Variants in RAPGEF2 observed in about 807,000 individuals in gnomAD.
RAPGEF2 encodes PDZ domain containing guanine nucleotide exchange factor (GEF) 1.
In RAPGEF2, 54 loss-of-function variants were observed where a neutral mutation model predicts 186.7. That is an observed-to-expected ratio of 0.29 (90% CI 0.23 to 0.36). The LOEUF is 0.36. Among genes scored for constraint, RAPGEF2 ranks in the 10% least tolerant of loss-of-function variants. RAPGEF2 has a pLI of 1.00. For missense variants in RAPGEF2, 1,532 were observed against 2,045.0 expected, an observed-to-expected ratio of 0.75 and a Z score of 4.84; for synonymous variants, 712 against 705.9, an observed-to-expected ratio of 1.01 and a Z score of -0.14.
chr4:159,287,122 T>G (rs912195170), intron 7 of RAPGEF2, among the ~76,000 whole-genome samples: 1 of 152,160 alleles, frequency 6.6e-6, no homozygotes, highest in African/African-American at 2.4e-5. Context: ...GAGAGGATTT[T>G]TTTTTTCTCT....
intron 1 of RAPGEF2, among the ~76,000 whole-genome samples, chr4:159,149,200 T>G (rs1024684209): frequency 5.3e-5 from 8 of 152,316 alleles, no homozygotes; most frequent in East Asian, 3.9e-4. Flanking sequence ...ACAATAAAAC[T>G]GGCACTTAAA....
At position 159,254,835 on chromosome 4, in the gene RAPGEF2, A is replaced by G. The variant is rs191286593; in HGVS notation, c.543+11044A>G. Among the ~76,000 whole-genome samples the G allele has an allele frequency of 4.2e-3, 642 of 152,232 alleles. 10 individuals carry two copies. Among genetic ancestry groups the G allele is most frequent in the African/African-American group, 0.015 (611 of 41,550 alleles). ...AGGCTGGTCTCGAACTCTTAACCTC[A>G]GGTGATCCGCCTGCCTCGGCCTCCC... is the stretch of plus-strand genomic sequence containing the variant. On this transcript the variant is annotated intron_variant, in intron 7 of 29. Transcript: ENST00000691494.
intron 1 of RAPGEF2, among the ~76,000 whole-genome samples, chr4:159,150,258 G>T (rs1203655597): frequency 6.6e-6 from 1 of 152,096 alleles, no homozygotes; most frequent in East Asian, 1.9e-4. Context: ...GAAATACGGG[G>T]TTAAGTTCCT....
intron 7 of RAPGEF2, among the ~76,000 whole-genome samples, chr4:159,300,141 A>G (rs1201961987): frequency 1.3e-5 from 2 of 151,280 alleles, no homozygotes; most frequent in Non-Finnish European, 1.5e-5. Flanking sequence ...TACTTTATAT[A>G]CTTTAATACT....
chr4:159,289,971 G>A (rs761829018), intron 7 of RAPGEF2, among the ~76,000 whole-genome samples: 5 of 152,164 alleles, frequency 3.3e-5, no homozygotes, highest in Non-Finnish European at 1.5e-5. Context: ...AGACAGTGGG[G>A]TGCAGTGGTT....
chr4:159,121,289 G>A (rs1168730989), intron 1 of RAPGEF2, among the ~76,000 whole-genome samples: 1 of 152,094 alleles, frequency 6.6e-6, no homozygotes, highest in Non-Finnish European at 1.5e-5. Flanking sequence ...GGAACAACAT[G>A]GTTTTGAACT....
At chr4:159,243,154 G>A (rs902179660) in intron 6 of RAPGEF2, among the ~76,000 whole-genome samples, 1 of 150,790 alleles carries the variant, frequency 6.6e-6, no homozygotes, top group Non-Finnish European at 1.5e-5. Flanking sequence ...GTCTTACCTA[G>A]CCAGCAGATA....
rs1742021892 is a variant in RAPGEF2, at chr4:159,138,912, A to C, written c.69+34681A>C. Among the ~76,000 whole-genome samples the C allele has an allele frequency of 4.6e-5, 7 of 152,320 alleles. No homozygotes were observed. The South Asian group carries it at 1.5e-3, about 32-fold the overall frequency. ...CCCAACTTAACTACCACGTGAAGGA[A>C]ATTTCTGGGGACAGTAACGAATTGA... On this transcript the variant is annotated intron_variant, in intron 1 of 29. Transcript: ENST00000691494.
At chr4:159,337,920 A>G (rs1485864617) in intron 17 of RAPGEF2, among the ~76,000 whole-genome samples, 1 of 149,960 alleles carries the variant, frequency 6.7e-6, no homozygotes, top group Admixed American at 6.6e-5. Flanking sequence ...AAAAGAAAGA[A>G]AAACCATAGG....
chr4:159,162,280 G>A (rs1320073529), intron 1 of RAPGEF2, among the ~76,000 whole-genome samples: 1 of 149,140 alleles, frequency 6.7e-6, no homozygotes, highest in African/African-American at 2.5e-5. Context: ...GTCCCAAGTA[G>A]CTGGGACTAC....
chr4:159,341,685 C>A lies in RAPGEF2; in HGVS notation c.2656C>A (p.Leu886Ile). The change falls in exon 20 of 30, where the codon CTC becomes ATC. Residue 886 changes from leucine (L) to isoleucine (I), a missense_variant. Transcript: ENST00000691494. Reference protein sequence around the residue: ...QLSTVEVATQLSMRNFELFRN... With the variant: ...QLSTVEVATQISMRNFELFRN... ...CAGCACTGTGGAAGTTGCAACACAG[C>A]TCTCTATGCGAAATTTTGAACTCTT... The A allele has an allele frequency of 6.2e-7, 1 of 1,614,066 alleles. No homozygotes were observed. Among genetic ancestry groups the A allele is most frequent in the Non-Finnish European group, 8.5e-7 (1 of 1,179,950 alleles).
chr4:159,223,598 C>T (rs1466518444), intron 4 of RAPGEF2, among the ~76,000 whole-genome samples: 2 of 152,138 alleles, frequency 1.3e-5, no homozygotes, highest in Non-Finnish European at 2.9e-5. Flanking sequence ...TTCAGTTTTA[C>T]ACACAGAAAA....
Position 159,257,207 on chromosome 4 carries a change from A to G in RAPGEF2, c.543+13416A>G, listed in dbSNP as rs907693709. Among the ~76,000 whole-genome samples, 5 of 152,102 alleles carry G rather than the reference A, an allele frequency of 3.3e-5. No homozygotes were observed. The East Asian group carries it at 9.6e-4, about 29-fold the overall frequency. On this transcript the variant is annotated intron_variant, in intron 7 of 29. Transcript: ENST00000691494. Reference sequence around the variant, plus strand: ...TAATAGTTTTGGGTTTTACATTTGTATTAGTCAGTTTCACACTGCTGATAA... The same window carrying G: ...TAATAGTTTTGGGTTTTACATTTGTGTTAGTCAGTTTCACACTGCTGATAA...
chr4:159,293,165 AATT>A lies in RAPGEF2; in HGVS notation c.544-11173_544-11171del, dbSNP rs1761463346. ...TATTTTATGAAGATGATATAATTAA[AATT>A]ATTCCTTTGGGAAATAAGTGAGAGC... On this transcript the variant is annotated intron_variant, in intron 7 of 29. Transcript: ENST00000691494. Among the ~76,000 whole-genome samples, 3 of 152,180 alleles carry A rather than the reference AATT, an allele frequency of 2.0e-5. No individual in the cohort carries two copies. In the South Asian group the frequency reaches 6.2e-4, roughly 32 times the overall value.
At position 159,130,216 on chromosome 4, in the gene RAPGEF2, C is replaced by T. The variant is rs538156605; in HGVS notation, c.69+25985C>T. ...TGGTGGGTTTTGTCTGCTTCTTTAC[C>T]TTGTCTTATCAGCAGGGTCTTTTTG... On this transcript the variant is annotated intron_variant, in intron 1 of 29. Transcript: ENST00000691494. Among the ~76,000 whole-genome samples the T allele has an allele frequency of 6.6e-5, 10 of 152,272 alleles. No individual in the cohort carries two copies. In the East Asian group the frequency reaches 1.4e-3, roughly 21 times the overall value.
At chr4:159,338,969 T>G (rs1767856307) in intron 18 of RAPGEF2, 145 bp from the exon 19 acceptor site, 1 of 968,214 alleles carries the variant, frequency 1.0e-6, no homozygotes, top group Non-Finnish European at 1.5e-6. Context: ...GTAGATTGAT[T>G]CTTTGAGGAA....
At position 159,322,772 on chromosome 4, in the gene RAPGEF2, A is replaced by C. The variant is rs567986331; in HGVS notation, c.990+289A>C. Reference sequence around the variant, plus strand: ...GCAGGCGGTGAAAGGCACTTCTTACATGGCAGTGGCAAGAGGAAAAATGAG... The same window carrying C: ...GCAGGCGGTGAAAGGCACTTCTTACCTGGCAGTGGCAAGAGGAAAAATGAG... On this transcript the variant is annotated intron_variant, in intron 10 of 29. Coordinates refer to ENST00000691494, the MANE Select transcript of RAPGEF2 (RefSeq NM_001394067.2). Among the ~76,000 whole-genome samples the C allele has an allele frequency of 1.9e-4, 29 of 152,310 alleles. No individual in the cohort carries two copies. In the East Asian group the frequency reaches 4.8e-3, roughly 25 times the overall value.
chr4:159,279,937 G>A (rs146631929), intron 7 of RAPGEF2, among the ~76,000 whole-genome samples: 79 of 152,042 alleles, frequency 5.2e-4, no homozygotes, highest in East Asian at 2.1e-3. Flanking sequence ...TGCCCGCCTC[G>A]GCCTCCCAAA....
At chr4:159,324,228 G>A (rs1311342029) in intron 11 of RAPGEF2, among the ~76,000 whole-genome samples, 3 of 150,660 alleles carry the variant, frequency 2.0e-5, no homozygotes, top group East Asian at 3.9e-4. Flanking sequence ...GGGTCTTGCC[G>A]TGTTGGCCAG....
Sources: allele counts gnomAD v4.1 joint callset (sites outside exome capture counted in the v4.1 genomes callset), GRCh38; gene constraint gnomAD v4.1.1; transcripts MANE v1.5; gene names NCBI Gene and HGNC (gene_info 2026-07-23, HGNC 2026-07-21).